The following TPST2 variants were observed in gnomAD, a reference collection of about 807,000 sequenced individuals.
The protein encoded by TPST2 is tyrosylprotein sulfotransferase 2.
Under a neutral mutation model 27.8 loss-of-function variants are expected in TPST2, and 16 were observed. The ratio of observed to expected loss-of-function variants is 0.58; its 90% CI spans 0.39 to 0.88. The LOEUF (loss-of-function observed/expected upper bound fraction) is 0.88. Ranked by LOEUF, TPST2 falls within the 40% of genes least tolerant of loss-of-function variation. The pLI, the probability that TPST2 is intolerant of heterozygous loss-of-function variation, is 0.00. For missense variants in TPST2, 464 were observed against 543.1 expected, an observed-to-expected ratio of 0.85 and a Z score of 1.45; for synonymous variants, 229 against 231.7, an observed-to-expected ratio of 0.99 and a Z score of 0.10.
intron 1 of TPST2, among the ~76,000 whole-genome samples, chr22:26,582,653 C>A (rs1015763060): frequency 6.6e-6 from 1 of 152,156 alleles, no homozygotes; most frequent in Non-Finnish European, 1.5e-5. Flanking sequence ...TGCACCCCAA[C>A]ATCCAGTTGA....
At chr22:26,527,801 G>A (rs899249781) in intron 6 of TPST2, among the ~76,000 whole-genome samples, 12 of 152,154 alleles carry the variant, frequency 7.9e-5, no homozygotes, top group Admixed American at 5.9e-4. Flanking sequence ...AGAACAGAAC[G>A]ACTTGTGACT....
At chr22:26,569,818 G>A (rs900855517) in intron 1 of TPST2, among the ~76,000 whole-genome samples, 12 of 151,432 alleles carry the variant, frequency 7.9e-5, no homozygotes, top group African/African-American at 2.4e-4. Flanking sequence ...GGGCGTGGTC[G>A]CAGGCACCTG....
intron 1 of TPST2, among the ~76,000 whole-genome samples, chr22:26,577,228 G>T (rs575933657): frequency 6.9e-6 from 1 of 145,432 alleles, no homozygotes; most frequent in Non-Finnish European, 1.5e-5. Context: ...TCATGCCACC[G>T]CAATCCAGCC....
chr22:26,562,450 G>C (rs192610321), intron 1 of TPST2, among the ~76,000 whole-genome samples: 3 of 152,228 alleles, frequency 2.0e-5, no homozygotes, highest in Non-Finnish European at 4.4e-5. Flanking sequence ...CTTTTAAGAT[G>C]CACCTAATTG....
In TPST2 at chr22:26,524,924, G is replaced by C. The variant is rs866705440; in HGVS notation, c.*1351C>G. 2.6e-5 allele frequency: 4 copies of C among 152,204 alleles called. No homozygotes were observed. Among genetic ancestry groups the C allele is most frequent in the African/African-American group, 9.7e-5 (4 of 41,432 alleles). 9.4% of individuals were successfully genotyped at this position (152,204 alleles called of 1,614,324 possible). On this transcript the variant is annotated 3_prime_UTR_variant, in exon 7 of 7. Transcript: ENST00000338754. The stretch of plus-strand genomic sequence containing the variant: ...ATACCTCAGGCCTTGGGCCATACCA[G>C]GCCAGATAGTTTGTGCTAATAATGT...
At chr22:26,573,620 CCAAGAACAAAG>C (rs1463017377) in intron 1 of TPST2, among the ~76,000 whole-genome samples, 2 of 152,164 alleles carry the variant, frequency 1.3e-5, no homozygotes, top group Admixed American at 1.3e-4. Context: ...AAAGGCTTGA[CCAAGAACAAAG>C]CAAGCAATAA....
intron 1 of TPST2, among the ~76,000 whole-genome samples, chr22:26,566,569 CAAAGAA>C (rs1021898816): frequency 4.4e-4 from 67 of 150,610 alleles, no homozygotes; most frequent in African/African-American, 1.4e-3. Context: ...AAGAAAAAGA[CAAAGAA>C]AAAGAAAAAG....
At chr22:26,545,051 C>T (rs1926047297) in intron 1 of TPST2, among the ~76,000 whole-genome samples, 1 of 152,184 alleles carries the variant, frequency 6.6e-6, no homozygotes, top group Admixed American at 6.5e-5. Flanking sequence ...CCACTACACA[C>T]CACTATTGCC....
At chr22:26,555,001 T>A (rs1373441428) in intron 1 of TPST2, among the ~76,000 whole-genome samples, 1 of 152,236 alleles carries the variant, frequency 6.6e-6, no homozygotes, top group East Asian at 1.9e-4. Flanking sequence ...CTGTTATTCC[T>A]TCCCTTTAGG....
chr22:26,550,551 T>C, intron 1 of TPST2: 1 of 983,524 alleles, frequency 1.0e-6, no homozygotes, highest in Non-Finnish European at 1.2e-6. Context: ...AGCGGGGAGC[T>C]GGCAGTGCAC....
intron 1 of TPST2, among the ~76,000 whole-genome samples, chr22:26,579,763 G>A (rs1280686552): frequency 2.0e-5 from 3 of 152,146 alleles, no homozygotes; most frequent in African/African-American, 7.2e-5. Context: ...TGGGGCGGAA[G>A]AAGACAGAGA....
chr22:26,571,630 A>T (rs1220349923), intron 1 of TPST2, among the ~76,000 whole-genome samples: 4 of 152,100 alleles, frequency 2.6e-5, no homozygotes, highest in Non-Finnish European at 5.9e-5. Flanking sequence ...GGCCCCTCTC[A>T]GCATAGCAAC....
intron 6 of TPST2, among the ~76,000 whole-genome samples, chr22:26,526,547 T>A (rs754159909): frequency 6.6e-6 from 1 of 152,232 alleles, no homozygotes; most frequent in Non-Finnish European, 1.5e-5. Flanking sequence ...TGATGAATTC[T>A]TGGAGGCAAG....
intron 3 of TPST2, among the ~76,000 whole-genome samples, chr22:26,539,246 G>T (rs1925658067): frequency 6.6e-6 from 1 of 152,168 alleles, no homozygotes; most frequent in Non-Finnish European, 1.5e-5. Flanking sequence ...ACCAGCCATG[G>T]GAAGGACCAC....
In TPST2 at chr22:26,540,859, T is replaced by C. The variant is rs1602260760; in HGVS notation, c.772A>G (p.Ile258Val). 1.9e-6 allele frequency: 3 copies of C among 1,614,016 alleles called. No individual in the cohort carries two copies. In the East Asian group the frequency reaches 6.7e-5, roughly 36 times the overall value. ...SLKLILDFLG[I>V]AWSDAVLHHE... ...TGGAGGACAGCGTCGCTCCAGGCGA[T>C]GCCGAGGAAGTCGAGGATGAGCTTG... The change falls in exon 3 of 7, where the codon ATC becomes GTC. Residue 258 changes from isoleucine to valine, a missense_variant. Ile to Val is a conservative substitution (Grantham distance 29). Transcript: ENST00000338754.
At chr22:26,579,783 A>G (rs992672928) in intron 1 of TPST2, among the ~76,000 whole-genome samples, 4 of 152,170 alleles carry the variant, frequency 2.6e-5, no homozygotes, top group Non-Finnish European at 4.4e-5. Context: ...AGAGAAAAAA[A>G]CAGACAGAGG....
intron 1 of TPST2, among the ~76,000 whole-genome samples, chr22:26,556,113 C>T (rs1371556535): frequency 6.6e-6 from 1 of 151,938 alleles, no homozygotes; most frequent in Non-Finnish European, 1.5e-5. Flanking sequence ...AATGTGATTA[C>T]AAAAATTGCT....
chr22:26,542,527 A>G (rs751279593), intron 2 of TPST2, among the ~76,000 whole-genome samples: 5 of 152,174 alleles, frequency 3.3e-5, no homozygotes, highest in African/African-American at 7.2e-5. Flanking sequence ...ACTTATTCCA[A>G]CATTTAATGA....
At chr22:26,579,807 A>C (rs1928020693) in intron 1 of TPST2, among the ~76,000 whole-genome samples, 1 of 151,480 alleles carries the variant, frequency 6.6e-6, no homozygotes, top group East Asian at 1.9e-4. Flanking sequence ...AGACAGAGGG[A>C]GATAGAGACA....
Sources: gnomAD v4.1 joint callset for allele counts (sites outside exome capture counted in the v4.1 genomes callset) on GRCh38, gnomAD v4.1.1 for gene constraint, MANE v1.5 for transcripts, NCBI Gene and HGNC (gene_info 2026-07-23, HGNC 2026-07-21) for gene names.